The following RPS6KA2 variants were observed in gnomAD, a reference collection of about 807,000 sequenced individuals.
The protein encoded by RPS6KA2 is ribosomal protein S6 kinase alpha-2.
A neutral mutation model predicts 91.8 loss-of-function variants in RPS6KA2; 42 were observed. The observed-to-expected ratio is 0.46, with a 90% CI of 0.36 to 0.59. The LOEUF is 0.59. RPS6KA2 is among the 20% of genes least tolerant of loss of function. The pLI is 0.00. For synonymous variants in RPS6KA2, 414 were observed against 393.6 expected (o/e 1.05, Z -0.61); for missense variants, 798 against 978.5 (o/e 0.82, Z 2.46).
intron 2 of RPS6KA2, among the ~76,000 whole-genome samples, chr6:166,636,517 C>T (rs1426277706): frequency 2.0e-5 from 3 of 152,230 alleles, no homozygotes; most frequent in Admixed American, 6.5e-5. Context: ...TTCCTTTTCT[C>T]CTCCTCCACA....
chr6:166,782,437 A>C (rs1041205794), intron 2 of RPS6KA2, among the ~76,000 whole-genome samples: 1 of 152,164 alleles, frequency 6.6e-6, no homozygotes, highest in African/African-American at 2.4e-5. Flanking sequence ...GGTTTTGAAG[A>C]TGGAGACTCG....
chr6:166,473,847 T>A (rs770830691), intron 10 of RPS6KA2, among the ~76,000 whole-genome samples: 1 of 151,866 alleles, frequency 6.6e-6, no homozygotes, highest in Non-Finnish European at 1.5e-5. Flanking sequence ...CCTATAACCA[T>A]CCAGGGCAAC....
rs183478117 is a variant in RPS6KA2, at chr6:166,620,907, C to T, written c.99+6014G>A. ...GTGAGGTGGCTGGGAGAAGGGGCAG[C>T]CGGCAAGGTCAGGCACTTCCCACGG... On this transcript the variant is annotated intron_variant, in intron 1 of 20. Transcript: ENST00000265678. 8.1e-4 allele frequency among the ~76,000 whole-genome samples: 124 copies of T among 152,314 alleles called. 1 individual carries two copies. Among genetic ancestry groups the T allele is most frequent in the Middle Eastern group, 3.4e-3 (1 of 294 alleles).
intron 3 of RPS6KA2, among the ~76,000 whole-genome samples, chr6:166,522,051 A>G (rs1782875102): frequency 1.3e-5 from 2 of 152,214 alleles, no homozygotes; most frequent in African/African-American, 4.8e-5. Context: ...CAGGCACAAA[A>G]TCTGACACAG....
At chr6:166,775,840 G>A (rs1778602572) in intron 2 of RPS6KA2, among the ~76,000 whole-genome samples, 1 of 152,250 alleles carries the variant, frequency 6.6e-6, no homozygotes. Flanking sequence ...CTGCGAAGGG[G>A]CAGAGACTGA....
chr6:166,672,221 C>T (rs1385464049), intron 2 of RPS6KA2, among the ~76,000 whole-genome samples: 6 of 152,096 alleles, frequency 3.9e-5, no homozygotes, highest in South Asian at 2.1e-4. Flanking sequence ...TATGTGGGGA[C>T]GGAGAACACT....
intron 1 of RPS6KA2, among the ~76,000 whole-genome samples, chr6:166,582,230 G>A (rs900304871): frequency 3.9e-5 from 6 of 152,128 alleles, no homozygotes; most frequent in Admixed American, 6.5e-5. Flanking sequence ...GTGAGCAGGA[G>A]GGCACAGAGA....
chr6:166,548,280 C>T (rs1345060722), intron 1 of RPS6KA2, among the ~76,000 whole-genome samples: 1 of 152,176 alleles, frequency 6.6e-6, no homozygotes, highest in Admixed American at 6.5e-5. Flanking sequence ...GTTAAGTGTT[C>T]ACAAATGCAC....
intron 2 of RPS6KA2, among the ~76,000 whole-genome samples, chr6:166,664,341 C>T (rs1012680110): frequency 1.3e-5 from 2 of 152,256 alleles, no homozygotes; most frequent in Non-Finnish European, 2.9e-5. Context: ...AAAGTAAACA[C>T]TTTAAGTTTC....
chr6:166,841,710 G>T (rs964497866), intron 2 of RPS6KA2, among the ~76,000 whole-genome samples: 6 of 152,178 alleles, frequency 3.9e-5, no homozygotes, highest in African/African-American at 1.2e-4. Flanking sequence ...GGTGAGAGGG[G>T]GCTGACAGCA....
At chr6:166,719,938 A>G (rs1484577571) in intron 2 of RPS6KA2, among the ~76,000 whole-genome samples, 1 of 152,220 alleles carries the variant, frequency 6.6e-6, no homozygotes, top group Non-Finnish European at 1.5e-5. Context: ...TTTCATGGCA[A>G]ATTTCTGAAA....
At chr6:166,443,310 T>A (rs1433937739) in intron 14 of RPS6KA2, among the ~76,000 whole-genome samples, 2 of 152,220 alleles carry the variant, frequency 1.3e-5, no homozygotes, top group Non-Finnish European at 2.9e-5. Context: ...GTACGTATCA[T>A]GCAATTCAAC....
At chr6:166,656,487 A>G (rs1479306482) in intron 2 of RPS6KA2, among the ~76,000 whole-genome samples, 2 of 152,194 alleles carry the variant, frequency 1.3e-5, no homozygotes, top group African/African-American at 4.8e-5. Context: ...GCATCTCCCC[A>G]CAGGCCTGTG....
intron 1 of RPS6KA2, among the ~76,000 whole-genome samples, chr6:166,558,039 T>G (rs1313037407): frequency 6.6e-6 from 1 of 151,884 alleles, no homozygotes. Flanking sequence ...TATATATAGG[T>G]GTGTATGTAT....
Position 166,627,181 on chromosome 6 carries a change from A to G in RPS6KA2, c.-162T>C, listed in dbSNP as rs1388029951. Reference sequence around the variant, plus strand: ...GGCGCGAGCTGCGGTCACAAAGGGCAGGCCGCGCCGGCCACCGCGGCCGGG... The same window carrying G: ...GGCGCGAGCTGCGGTCACAAAGGGCGGGCCGCGCCGGCCACCGCGGCCGGG... On this transcript the variant is annotated 5_prime_UTR_variant, in exon 1 of 21. Transcript: ENST00000265678. The G allele has an allele frequency of 1.8e-5, 19 of 1,067,856 alleles. No individual in the cohort carries two copies. The highest frequency in any genetic ancestry group is 4.5e-5 in the South Asian group (1 of 22,056). 66.1% of individuals were successfully genotyped at this position (1,067,856 alleles called of 1,614,324 possible).
At position 166,779,642 on chromosome 6, in the gene RPS6KA2, C is replaced by G. The variant is rs2072646; in HGVS notation, c.123+78558G>C. On this transcript the variant is annotated intron_variant, in intron 2 of 21. Coordinates refer to the RPS6KA2 transcript ENST00000503859. Reference sequence around the variant, plus strand: ...CACACAGCCGTGATCGCCCACATCCCGTCCACAGAGCACTTGCTCTGTGTC... The same window carrying G: ...CACACAGCCGTGATCGCCCACATCCGGTCCACAGAGCACTTGCTCTGTGTC... 0.032 allele frequency among the ~76,000 whole-genome samples: 4,849 copies of G among 152,252 alleles called. 482 individuals carry two copies. In the East Asian group the frequency reaches 0.38, roughly 12 times the overall value.
rs1583053769 is a variant in RPS6KA2 at position 166,726,363 on chromosome 6, TC to T, written c.123+131836del. ...AAACTCCACTGGGGGAAAGTTCCAT[TC>T]CACCTCCGATTCCTAGAGCTGCAAG... On this transcript the variant is annotated intron_variant, in intron 2 of 21. Transcript: ENST00000503859. The surrounding 1 kb of genome is among the most constrained non-coding windows in gnomAD (Gnocchi z 4.4). Among the ~76,000 whole-genome samples, 1 of 152,244 alleles carries T rather than the reference TC, an allele frequency of 6.6e-6. No individual in the cohort carries two copies. Among genetic ancestry groups the T allele is most frequent in the East Asian group, 1.9e-4 (1 of 5,182 alleles).
rs183309532 is a variant in RPS6KA2, at chr6:166,733,101, G to A, written c.123+125099C>T. On this transcript the variant is annotated intron_variant, in intron 2 of 21. Coordinates refer to the RPS6KA2 transcript ENST00000503859. The surrounding 1 kb of genome is among the most constrained non-coding windows in gnomAD (Gnocchi z 4.1). ...TGAGATGCTCTGCCCCCTGTGGATC[G>A]AGCCTACCCTGTACTCAGGGCCATG... 1.5e-4 allele frequency among the ~76,000 whole-genome samples: 23 copies of A among 152,214 alleles called. No individual in the cohort carries two copies. Among genetic ancestry groups the A allele is most frequent in the Non-Finnish European group, 7.4e-5 (5 of 68,006 alleles).
chr6:166,601,833 T>C (rs930597793), intron 1 of RPS6KA2, among the ~76,000 whole-genome samples: 2 of 152,148 alleles, frequency 1.3e-5, no homozygotes, highest in African/African-American at 4.8e-5. Context: ...AGAGTGAGGA[T>C]AGACTTCTTA....
Sources: gnomAD v4.1 joint callset for allele counts (sites outside exome capture counted in the v4.1 genomes callset) on GRCh38, gnomAD v4.1.1 for gene constraint, Gnocchi (gnomAD v3.1) non-coding constraint, MANE v1.5 for transcripts, NCBI Gene and HGNC (gene_info 2026-07-23, HGNC 2026-07-21) for gene names.